UTRN: variants seen among roughly 807,000 people sequenced by gnomAD.
The protein encoded by UTRN is dystrophin-related protein 1.
Under a neutral mutation model 463.9 loss-of-function variants are expected in UTRN, and 283 were observed. The ratio of observed to expected loss-of-function variants is 0.61; its 90% CI spans 0.55 to 0.67. The LOEUF (loss-of-function observed/expected upper bound fraction) is 0.67. UTRN is among the 30% of genes least tolerant of loss of function. The probability of loss-of-function intolerance (pLI) is 0.00; values close to 1 mark genes in which losing one functional copy is unlikely to be tolerated. For missense variants in UTRN, 3,922 were observed against 4,084.3 expected (o/e 0.96, Z 1.08); for synonymous variants, 1,442 against 1,431.5 (o/e 1.01, Z -0.17).
intron 63 of UTRN, among the ~76,000 whole-genome samples, chr6:144,794,196 T>C (rs890891653): frequency 3.9e-5 from 6 of 152,220 alleles, no homozygotes; most frequent in African/African-American, 1.2e-4. Context: ...TTTTCTTTGA[T>C]AAAATCTACA....
chr6:144,304,784 T>A (rs1375233416), intron 2 of UTRN, among the ~76,000 whole-genome samples: 1 of 152,204 alleles, frequency 6.6e-6, no homozygotes, highest in East Asian at 1.9e-4. Context: ...TGGTGAATCT[T>A]TGAAAGGGCT....
intron 3 of UTRN, among the ~76,000 whole-genome samples, chr6:144,405,518 AT>A (rs200297870): frequency 3.3e-5 from 5 of 150,344 alleles, no homozygotes; most frequent in Admixed American, 6.6e-5. Flanking sequence ...AAGGGAACGA[AT>A]TTTTTTTTTC....
At chr6:144,544,754 C>A (rs1039315254) in intron 46 of UTRN, among the ~76,000 whole-genome samples, 1 of 152,064 alleles carries the variant, frequency 6.6e-6, no homozygotes, top group Non-Finnish European at 1.5e-5. Flanking sequence ...AAGCTACCTG[C>A]GGCTGTACCC....
chr6:144,343,279 G>T (rs1187457098), intron 2 of UTRN, among the ~76,000 whole-genome samples: 1 of 151,730 alleles, frequency 6.6e-6, no homozygotes, highest in Admixed American at 6.6e-5. Flanking sequence ...CTTGCTTTTT[G>T]CATGTATGTG....
At chr6:144,434,663 A>G (rs989284024) in intron 9 of UTRN, among the ~76,000 whole-genome samples, 1 of 152,184 alleles carries the variant, frequency 6.6e-6, no homozygotes, top group Admixed American at 6.5e-5. Context: ...ATCCAATAGG[A>G]GTAGATGAGA....
chr6:144,698,664 T>C (rs916544921), intron 52 of UTRN, among the ~76,000 whole-genome samples: 3 of 152,172 alleles, frequency 2.0e-5, no homozygotes, highest in Non-Finnish European at 2.9e-5. Context: ...TATTTTCAAA[T>C]CCAGCCCACC....
At chr6:144,844,276 T>A (rs1781837669) in intron 73 of UTRN, among the ~76,000 whole-genome samples, 1 of 152,004 alleles carries the variant, frequency 6.6e-6, no homozygotes, top group Non-Finnish European at 1.5e-5. Context: ...CTCTCTTTTT[T>A]TTTTTTTTCT....
At chr6:144,836,711 C>T (rs1222818029) in intron 71 of UTRN, 170 bp downstream of exon 71, 1 of 1,027,816 alleles carries the variant, frequency 9.7e-7, no homozygotes, top group African/African-American at 1.6e-5. Context: ...GCATATAAAT[C>T]CTCATTGGCA....
At chr6:144,343,409 C>CACACACAA (rs1554220421) in intron 2 of UTRN, among the ~76,000 whole-genome samples, 2 of 141,492 alleles carry the variant, frequency 1.4e-5, no homozygotes, top group African/African-American at 5.4e-5. Flanking sequence ...CACACACACA[C>CACACACAA]AATAGCCGGG....
intron 3 of UTRN, among the ~76,000 whole-genome samples, chr6:144,420,766 A>G (rs1484686189): frequency 6.6e-6 from 1 of 152,228 alleles, no homozygotes; most frequent in African/African-American, 2.4e-5. Flanking sequence ...ACGTACTCCC[A>G]TAATGGAAAG....
chr6:144,760,656 A>G (rs1312006136), intron 58 of UTRN, among the ~76,000 whole-genome samples: 1 of 152,196 alleles, frequency 6.6e-6, no homozygotes, highest in Non-Finnish European at 1.5e-5. Context: ...TTTAATTCCC[A>G]AATTAATAAC....
rs186866065 is a variant in UTRN at position 144,605,031 on chromosome 6, T to C, written c.7479+27743T>C. ...AGAATCCACTTCTCACGATATATCG[T>C]TGGCTTCCCTGCAGCTCTCTGTTGC... is the stretch of plus-strand genomic sequence containing the variant. On this transcript the variant is annotated intron_variant, in intron 51 of 74. Transcript: ENST00000367545. Among the ~76,000 whole-genome samples the C allele has an allele frequency of 4.0e-3, 612 of 152,324 alleles. 2 individuals are homozygous for C. The highest frequency in any genetic ancestry group is 0.031 in the Middle Eastern group (9 of 294).
intron 69 of UTRN, among the ~76,000 whole-genome samples, chr6:144,829,736 G>A (rs889903017): frequency 6.6e-6 from 1 of 151,306 alleles, no homozygotes; most frequent in East Asian, 1.9e-4. Flanking sequence ...TATGGAGAGT[G>A]CTAGGTTAAA....
intron 54 of UTRN, among the ~76,000 whole-genome samples, chr6:144,734,291 C>T (rs1789117651): frequency 6.6e-6 from 1 of 152,168 alleles, no homozygotes; most frequent in African/African-American, 2.4e-5. Flanking sequence ...TCAGTACTTG[C>T]TTTTCCTCAC....
intron 33 of UTRN, among the ~76,000 whole-genome samples, chr6:144,495,402 C>T (rs1316166577): frequency 6.6e-6 from 1 of 152,266 alleles, no homozygotes; most frequent in Non-Finnish European, 1.5e-5. Flanking sequence ...TGCTAAGTCC[C>T]TCATTGCCTG....
intron 2 of UTRN, among the ~76,000 whole-genome samples, chr6:144,350,063 A>G (rs1360496289): frequency 6.6e-6 from 1 of 152,214 alleles, no homozygotes; most frequent in Admixed American, 6.5e-5. Flanking sequence ...AAAGGAACAC[A>G]GGCCAAACTT....
intron 2 of UTRN, among the ~76,000 whole-genome samples, chr6:144,306,297 T>C (rs962713619): frequency 6.6e-6 from 1 of 152,164 alleles, no homozygotes; most frequent in Non-Finnish European, 1.5e-5. Flanking sequence ...GTGGGGTGTG[T>C]GCTGGATGAG....
intron 54 of UTRN, among the ~76,000 whole-genome samples, chr6:144,732,811 A>G (rs1197333260): frequency 6.6e-6 from 1 of 152,070 alleles, no homozygotes; most frequent in Non-Finnish European, 1.5e-5. Flanking sequence ...TCCCAGGATC[A>G]AGTGATCAAT....
chr6:144,389,175 C>T (rs1054940373), intron 2 of UTRN, among the ~76,000 whole-genome samples: 81 of 152,238 alleles, frequency 5.3e-4, no homozygotes, highest in African/African-American at 1.9e-3. Context: ...GAAGTGGGGA[C>T]GGGGCTTCCA....
Sources: gnomAD v4.1 joint callset for allele counts (sites outside exome capture counted in the v4.1 genomes callset) on GRCh38, gnomAD v4.1.1 for gene constraint, MANE v1.5 for transcripts, NCBI Gene and HGNC (gene_info 2026-07-23, HGNC 2026-07-21) for gene names.